The following IL5RA variants were observed in gnomAD, a reference collection of about 807,000 sequenced individuals.
IL5RA encodes interleukin 5 receptor subunit alpha, also known as interleukin-5 receptor subunit alpha.
A neutral mutation model predicts 50.0 loss-of-function variants in IL5RA; 49 were observed. That is an observed-to-expected ratio of 0.98 (90% confidence interval 0.78 to 1.24). The LOEUF (loss-of-function observed/expected upper bound fraction) is 1.24. Among genes scored for constraint, IL5RA ranks in the 50% most tolerant of loss-of-function variants. The pLI is 0.00. For missense variants in IL5RA, 600 were observed against 500.4 expected (o/e 1.20, Z -1.90); for synonymous variants, 202 against 174.0 (o/e 1.16, Z -1.26).
intron 4 of IL5RA, among the ~76,000 whole-genome samples, chr3:3,102,410 T>C (rs975744923): frequency 6.6e-6 from 1 of 152,212 alleles, no homozygotes; most frequent in African/African-American, 2.4e-5. Flanking sequence ...ACCCAATCCA[T>C]GGTGCCTAAA....
chr3:3,075,877 G>C (rs1438318561), intron 10 of IL5RA, among the ~76,000 whole-genome samples: 3 of 152,174 alleles, frequency 2.0e-5, no homozygotes, highest in East Asian at 1.9e-4. Flanking sequence ...TGGGATTACA[G>C]GAGTGAGCCC....
Position 3,082,570 on chromosome 3 carries a change from T to C in IL5RA, c.995-5943A>G, listed in dbSNP as rs571060399. ...ACCTCAGTTTCCATTATTTTTGACA[T>C]CTTAAGCATTTGACCTTGCAAATAA... On this transcript the variant is annotated intron_variant, in intron 9 of 11. Coordinates refer to ENST00000446632, the MANE Select transcript of IL5RA (RefSeq NM_175726.4). Among the ~76,000 whole-genome samples the C allele has an allele frequency of 2.9e-4, 44 of 152,358 alleles. 1 individual carries two copies. The highest frequency in any genetic ancestry group is 1.0e-3 in the African/African-American group (42 of 41,588).
At position 3,067,611 on chromosome 3, in the gene IL5RA, C is replaced by T. The variant is rs1443099338; in HGVS notation, c.*2614G>A. 6.6e-6 allele frequency: 1 copy of T among 152,250 alleles called. No homozygotes were observed. Among genetic ancestry groups the T allele is most frequent in the African/African-American group, 2.4e-5 (1 of 41,412 alleles). 9.4% of individuals were successfully genotyped at this position (152,250 alleles called of 1,614,324 possible). On this transcript the variant is annotated 3_prime_UTR_variant, in exon 12 of 12. Transcript: ENST00000446632. ...CAACCAACTCTGCTTTTGAAGGCTT[C>T]ATGGAGGAAGTGATGATGGTTACGG...
At chr3:3,093,230 G>C (rs1253200354) in intron 8 of IL5RA, among the ~76,000 whole-genome samples, 1 of 152,108 alleles carries the variant, frequency 6.6e-6, no homozygotes, top group Non-Finnish European at 1.5e-5. Flanking sequence ...TTATGTCCAG[G>C]CATCCAGGCA....
chr3:3,070,321 A>T lies in IL5RA; in HGVS notation c.1177-10T>A. ...CACTGGACCCAGCTTTCTGCAAAAC[A>T]AATCATCTTTCCTTAGATGTCTTTT... On this transcript the variant is annotated splice_polypyrimidine_tract_variant and intron_variant, in intron 11 of 11. Transcript: ENST00000446632. 6.3e-7 allele frequency: 1 copy of T among 1,592,544 alleles called. No individual in the cohort carries two copies. Among genetic ancestry groups the T allele is most frequent in the Non-Finnish European group, 8.6e-7 (1 of 1,162,278 alleles).
intron 4 of IL5RA, 73 bp from the exon 5 acceptor site, chr3:3,101,903 G>A: frequency 2.2e-6 from 3 of 1,334,866 alleles, no homozygotes; most frequent in African/African-American, 3.0e-5. Flanking sequence ...AATCAAATAT[G>A]CATTTTCTTC....
intron 11 of IL5RA, among the ~76,000 whole-genome samples, chr3:3,072,929 T>C (rs1702350098): frequency 6.6e-6 from 1 of 151,998 alleles, no homozygotes; most frequent in Non-Finnish European, 1.5e-5. Context: ...CAAAACCAGA[T>C]GTGGTTACTC....
intron 9 of IL5RA, among the ~76,000 whole-genome samples, chr3:3,087,283 A>G (rs1023458192): frequency 6.3e-4 from 96 of 152,336 alleles, no homozygotes; most frequent in African/African-American, 2.2e-3. Context: ...AGAGCCAATC[A>G]GGCACTGTTC....
At position 3,099,889 on chromosome 3, in the gene IL5RA, C is replaced by T. The variant is rs113060477; in HGVS notation, c.368-1599G>A. Among the ~76,000 whole-genome samples, 784 of 152,116 alleles carry T rather than the reference C, an allele frequency of 5.2e-3. 10 individuals are homozygous for T. The highest frequency in any genetic ancestry group is 0.018 in the African/African-American group (752 of 41,480). ...TTCACCATGTTGGCCAGGCTGGTCTCGAACACTTAACCTCAAGTGATCTAC... is the reference window on the plus strand; with the variant it reads ...TTCACCATGTTGGCCAGGCTGGTCTTGAACACTTAACCTCAAGTGATCTAC... On this transcript the variant is annotated intron_variant, in intron 5 of 11. Transcript: ENST00000446632.
At position 3,101,780 on chromosome 3, in the gene IL5RA, G is replaced by C; in HGVS notation, c.279C>G (p.Gly93=). ...GGATGGTCCGCACACTTGCTGAAAA[G>C]CCTTTGTGGAGGATGGTTACACATT... The part of the protein sequence containing the change: ...ESKCVTILHK[G]FSASVRTILQ... Residue 93 remains glycine (G), a synonymous_variant, in exon 5 of 12, where the codon GGC becomes GGG. Coordinates refer to ENST00000446632, the MANE Select transcript of IL5RA (RefSeq NM_175726.4). 6.2e-7 allele frequency: 1 copy of C among 1,614,112 alleles called. No individual in the cohort carries two copies. Among genetic ancestry groups the C allele is most frequent in the Non-Finnish European group, 8.5e-7 (1 of 1,180,002 alleles).
chr3:3,104,957 T>C lies in IL5RA; in HGVS notation c.28A>G (p.Ile10Val), dbSNP rs568300089. Residue 10 changes from isoleucine (I) to valine (V), a missense_variant, in exon 3 of 12, where the codon ATC becomes GTC. Ile to Val is a conservative substitution (Grantham distance 29, BLOSUM62 3). Transcript: ENST00000446632. Reference protein sequence around the residue: MIIVAHVLLILLGATEILQA... With the variant: MIIVAHVLLVLLGATEILQA... ...AGTATCTCAGTGGCCCCCAAAAGGA[T>C]GAGTAATACATGCGCCACGATGATC... 46 of 1,612,930 alleles carry C rather than the reference T, an allele frequency of 2.9e-5. No individual in the cohort carries two copies. In the South Asian group the frequency reaches 4.6e-4, roughly 16 times the overall value.
chr3:3,096,916 C>G (rs1187270200), intron 7 of IL5RA, among the ~76,000 whole-genome samples: 4 of 152,282 alleles, frequency 2.6e-5, no homozygotes, highest in Admixed American at 1.3e-4. Context: ...ACAATTCTCA[C>G]GAAGACTGCA....
intron 11 of IL5RA, chr3:3,073,652 G>A: frequency 3.2e-6 from 1 of 309,668 alleles, no homozygotes; most frequent in Non-Finnish European, 6.3e-6. Context: ...GCTGAGAGAA[G>A]GTAAAGAAAA....
chr3:3,092,736 C>T lies in IL5RA; in HGVS notation c.856-374G>A, dbSNP rs971550649. On this transcript the variant is annotated intron_variant, in intron 8 of 11. Transcript: ENST00000446632. This position sits in a 1 kb window ranked among gnomAD's most constrained non-coding sequence, Gnocchi z 4.2. The stretch of plus-strand genomic sequence containing the variant: ...ATTACTAAATAATGTCACATGAACG[C>T]TAGATTGTCTAGTGTTGAAATGAAG... 2.0e-5 allele frequency among the ~76,000 whole-genome samples: 3 copies of T among 152,130 alleles called. No individual in the cohort carries two copies. The highest frequency in any genetic ancestry group is 7.2e-5 in the African/African-American group (3 of 41,422).
intron 3 of IL5RA, 75 bp from the exon 4 acceptor site, chr3:3,102,895 AT>A: frequency 7.9e-7 from 1 of 1,271,124 alleles, no homozygotes. Flanking sequence ...CTTTTCGAAT[AT>A]TTATTGCCCT....
At chr3:3,097,777 A>G in intron 7 of IL5RA, 93 bp downstream of exon 7, 1 of 1,329,630 alleles carries the variant, frequency 7.5e-7, no homozygotes, top group Non-Finnish European at 1.0e-6. Flanking sequence ...GGCATCAGAG[A>G]AGCAGTAAAA....
At position 3,097,877 on chromosome 3, in the gene IL5RA, G is replaced by A. The variant is rs752211264; in HGVS notation, c.702C>T (p.His234=). 16 of 1,612,938 alleles carry A rather than the reference G, an allele frequency of 9.9e-6. No homozygotes were observed. Among genetic ancestry groups the A allele is most frequent in the Admixed American group, 3.3e-5 (2 of 59,892 alleles). ...GGGTTAAGTCGGTCTTACCAATGGC[G>A]TGAAGGGCAAACAGCTGATCAAAGG... The part of the protein sequence containing the change: ...IRPFDQLFAL[H]AIDQINPPLN... The change falls in exon 7 of 12, where the codon CAC becomes CAT. Residue 234 remains histidine, a synonymous_variant. Coordinates refer to ENST00000446632, the MANE Select transcript of IL5RA (RefSeq NM_175726.4).
Position 3,092,321 on chromosome 3 carries a change from A to G in IL5RA, c.897T>C (p.Asp299=), listed in dbSNP as rs765286006. ...LMTNAFISII[D]DLSKYDVQVR... ...CTTGAACATCGTACTTAGAAAGATCATCAATTATTGAGATGAATGCATTGG... is the reference window on the plus strand; with the variant it reads ...CTTGAACATCGTACTTAGAAAGATCGTCAATTATTGAGATGAATGCATTGG... Residue 299 remains aspartate, a synonymous_variant, in exon 9 of 12, where the codon GAT becomes GAC. Coordinates refer to ENST00000446632, the MANE Select transcript of IL5RA (RefSeq NM_175726.4). This position sits in a 1 kb window ranked among gnomAD's most constrained non-coding sequence, Gnocchi z 4.2. 1 of 1,613,918 alleles carries G rather than the reference A, an allele frequency of 6.2e-7. No homozygotes were observed. The highest frequency in any genetic ancestry group is 8.5e-7 in the Non-Finnish European group (1 of 1,179,926).
At chr3:3,071,611 G>T (rs75315451) in intron 11 of IL5RA, among the ~76,000 whole-genome samples, 11 of 112,814 alleles carry the variant, frequency 9.8e-5, no homozygotes, top group Non-Finnish European at 1.2e-4. Context: ...TTTTTTTTTG[G>T]CAAGTTCTGG....
Sources: allele counts gnomAD v4.1 joint callset (sites outside exome capture counted in the v4.1 genomes callset), GRCh38; gene constraint gnomAD v4.1.1; non-coding constraint Gnocchi (gnomAD v3.1); transcripts MANE v1.5; gene names NCBI Gene and HGNC (gene_info 2026-07-23, HGNC 2026-07-21).